Variants in ANK2 observed in about 807,000 individuals in gnomAD.
ANK2 encodes ankyrin 2.
A neutral mutation model predicts 360.5 loss-of-function variants in ANK2; 83 were observed. That is an observed-to-expected ratio of 0.23 (90% CI 0.19 to 0.28). ANK2 has a LOEUF of 0.28. Ranked by LOEUF, ANK2 falls within the 10% of genes least tolerant of loss-of-function variation. The pLI, the probability that ANK2 is intolerant of heterozygous loss-of-function variation, is 1.00. For synonymous variants in ANK2, 1,740 were observed against 1,759.5 expected (o/e 0.99, Z 0.28); for missense variants, 4,201 against 4,795.7 (o/e 0.88, Z 3.66).
chr4:112,859,217 T>G (rs1422782258), intron 1 of ANK2, among the ~76,000 whole-genome samples: 1 of 152,040 alleles, frequency 6.6e-6, no homozygotes, highest in East Asian at 1.9e-4. Flanking sequence ...TCTTTGGGAG[T>G]AAATGATGAA....
intron 4 of ANK2, among the ~76,000 whole-genome samples, chr4:113,206,405 G>T (rs531455382): frequency 6.6e-6 from 1 of 152,094 alleles, no homozygotes; most frequent in Non-Finnish European, 1.5e-5. Flanking sequence ...CCATGTTCCC[G>T]CAAAGGACAT....
At chr4:112,916,579 C>T (rs1269142458) in intron 2 of ANK2, among the ~76,000 whole-genome samples, 8 of 152,126 alleles carry the variant, frequency 5.3e-5, no homozygotes, top group Admixed American at 2.6e-4. Context: ...GTTTGGATAG[C>T]GATGTTACTG....
chr4:112,974,772 A>G (rs929792714), intron 2 of ANK2, among the ~76,000 whole-genome samples: 1 of 152,082 alleles, frequency 6.6e-6, no homozygotes, highest in African/African-American at 2.4e-5. Flanking sequence ...TGCATTCTTC[A>G]TAGAAATGTC....
At chr4:112,765,425 A>G in the ANK2 span, among the ~76,000 whole-genome samples, 3 of 152,136 alleles carry the variant, frequency 2.0e-5, no homozygotes, top group East Asian at 5.8e-4. Flanking sequence ...TGCCTGCAGA[A>G]CGTCCCCTTT....
At chr4:112,956,539 A>G (rs960607442) in intron 2 of ANK2, among the ~76,000 whole-genome samples, 2 of 152,236 alleles carry the variant, frequency 1.3e-5, no homozygotes, top group Non-Finnish European at 2.9e-5. Flanking sequence ...GAAGGCTTCT[A>G]AGTGACTAGT....
intron 22 of ANK2, among the ~76,000 whole-genome samples, chr4:113,298,879 A>C (rs1300527592): frequency 2.0e-5 from 3 of 152,238 alleles, no homozygotes; most frequent in Non-Finnish European, 4.4e-5. Context: ...TTTTGTTTAA[A>C]AGGAAAATAT....
chr4:113,062,319 T>C (rs1016638647), intron 1 of ANK2, among the ~76,000 whole-genome samples: 1 of 152,140 alleles, frequency 6.6e-6, no homozygotes, highest in Non-Finnish European at 1.5e-5. Context: ...AAGTATCATG[T>C]ACATTTCAGT....
chr4:113,242,216 G>A lies in ANK2; in HGVS notation c.891+7G>A. The A allele has an allele frequency of 6.2e-7, 1 of 1,609,260 alleles. No individual in the cohort carries two copies. Among genetic ancestry groups the A allele is most frequent in the South Asian group, 1.1e-5 (1 of 90,976 alleles). On this transcript the variant is annotated splice_region_variant and intron_variant, in intron 9 of 45. Transcript: ENST00000357077. ...GATCGATGCCAAAACTAGGGTGAGT[G>A]TCTCTGTTCTTTCAATTTTCTACCA...
chr4:112,969,454 C>G (rs1452276348), intron 2 of ANK2, among the ~76,000 whole-genome samples: 1 of 152,022 alleles, frequency 6.6e-6, no homozygotes, highest in Non-Finnish European at 1.5e-5. Context: ...CCATTGGCTT[C>G]CCCCCGGACT....
chr4:112,742,420 G>A, the ANK2 span, among the ~76,000 whole-genome samples: 1 of 152,026 alleles, frequency 6.6e-6, no homozygotes, highest in Non-Finnish European at 1.5e-5. Flanking sequence ...GTGTGTGTGT[G>A]TGTATTAGGA....
At position 113,091,655 on chromosome 4, in the gene ANK2, C is replaced by G. The variant is rs372822493; in HGVS notation, c.84+41843C>G. ...ATGCAGTGCTTATTATGTGCCATCCCTTTGAGATAGATATCCCCACTTTTA... is the reference window on the plus strand; with the variant it reads ...ATGCAGTGCTTATTATGTGCCATCCGTTTGAGATAGATATCCCCACTTTTA... On this transcript the variant is annotated intron_variant, in intron 1 of 45. Coordinates refer to ENST00000357077, the MANE Select transcript of ANK2 (RefSeq NM_001148.6). Among the ~76,000 whole-genome samples the G allele has an allele frequency of 1.5e-4, 23 of 152,262 alleles. No individual in the cohort carries two copies. In the East Asian group the frequency reaches 4.4e-3, roughly 29 times the overall value.
At chr4:113,000,631 A>G (rs1010125566) in intron 2 of ANK2, among the ~76,000 whole-genome samples, 11 of 152,210 alleles carry the variant, frequency 7.2e-5, no homozygotes, top group African/African-American at 2.7e-4. Context: ...GAAAAAAATT[A>G]TGAGTTTAGA....
chr4:112,969,920 A>G (rs938927784), intron 2 of ANK2, among the ~76,000 whole-genome samples: 1 of 152,182 alleles, frequency 6.6e-6, no homozygotes, highest in Non-Finnish European at 1.5e-5. Context: ...ACAGTTTTTG[A>G]TGCAGGCCCC....
intron 4 of ANK2, among the ~76,000 whole-genome samples, chr4:113,209,627 T>A (rs2153448203): frequency 6.6e-6 from 1 of 152,090 alleles, no homozygotes; most frequent in East Asian, 1.9e-4. Flanking sequence ...CATGCTTAAA[T>A]CCTGACCTCC....
At chr4:112,969,874 A>G (rs2038808985) in intron 2 of ANK2, among the ~76,000 whole-genome samples, 2 of 152,216 alleles carry the variant, frequency 1.3e-5, no homozygotes, top group South Asian at 4.1e-4. Flanking sequence ...TAGTCTCACT[A>G]GTGAAAAGCA....
chr4:112,932,385 A>G (rs1487081544), intron 2 of ANK2, among the ~76,000 whole-genome samples: 1 of 151,228 alleles, frequency 6.6e-6, no homozygotes, highest in Non-Finnish European at 1.5e-5. Flanking sequence ...CCAGCTACTC[A>G]GGAGGCTGAG....
At chr4:113,164,950 C>A (rs555414691) in intron 1 of ANK2, among the ~76,000 whole-genome samples, 14 of 152,292 alleles carry the variant, frequency 9.2e-5, no homozygotes, top group Non-Finnish European at 1.9e-4. Context: ...CTCAAAAGTT[C>A]TCTCTTTTTT....
chr4:113,081,998 GGGGTTTCACCATGTT>G (rs1310794313), intron 1 of ANK2, among the ~76,000 whole-genome samples: 1 of 151,970 alleles, frequency 6.6e-6, no homozygotes, highest in African/African-American at 2.4e-5. Flanking sequence ...TAGTAGAGAT[GGGGTTTCACCATGTT>G]TGACAGGCTG....
intron 3 of ANK2, among the ~76,000 whole-genome samples, chr4:113,197,111 C>A (rs942311461): frequency 6.6e-6 from 1 of 152,114 alleles, no homozygotes; most frequent in Non-Finnish European, 1.5e-5. Flanking sequence ...GGAAACTTCT[C>A]TATGGAAAAG....
Sources: allele counts gnomAD v4.1 joint callset (sites outside exome capture counted in the v4.1 genomes callset), GRCh38; gene constraint gnomAD v4.1.1; transcripts MANE v1.5; gene names NCBI Gene and HGNC (gene_info 2026-07-23, HGNC 2026-07-21).